Variants in MEF2C observed in about 807,000 individuals in gnomAD.
MEF2C encodes the protein myocyte-specific enhancer factor 2C.
In MEF2C, 6 loss-of-function variants were observed where a neutral mutation model predicts 50.5. The observed-to-expected ratio is 0.12, with a 90% CI of 0.07 to 0.23. The LOEUF (loss-of-function observed/expected upper bound fraction) is 0.23. Ranked by LOEUF, MEF2C falls within the 10% of genes least tolerant of loss-of-function variation. The pLI is 1.00. For synonymous variants in MEF2C, 183 were observed against 228.0 expected, an observed-to-expected ratio of 0.80 and a Z score of 1.78; for missense variants, 276 against 605.0, an observed-to-expected ratio of 0.46 and a Z score of 5.70.
chr5:88,804,410 C>T, intron 3 of MEF2C, 188 bp downstream of exon 3: 1 of 573,188 alleles, frequency 1.7e-6, no homozygotes, highest in Non-Finnish European at 3.1e-6. Context: ...ATCATCACAT[C>T]ACTCTAACTT....
chr5:88,726,382 C>CTT (rs1561664072), intron 10 of MEF2C, among the ~76,000 whole-genome samples: 1 of 152,110 alleles, frequency 6.6e-6, no homozygotes, highest in Non-Finnish European at 1.5e-5. Context: ...AATTACTTTA[C>CTT]ATAAGTATTG....
At chr5:88,822,944 G>A (rs1200988777) in intron 2 of MEF2C, among the ~76,000 whole-genome samples, 2 of 151,888 alleles carry the variant, frequency 1.3e-5, no homozygotes, top group East Asian at 3.9e-4. Context: ...AAACTACCCA[G>A]CTGTCCTTAC....
chr5:88,742,375 T>G (rs1003349641), intron 6 of MEF2C: 1 of 984,844 alleles, frequency 1.0e-6, no homozygotes, highest in Non-Finnish European at 1.2e-6. Context: ...AAACTAGTAT[T>G]TCAGGGGGAA....
chr5:88,865,984 C>T lies in MEF2C; in HGVS notation c.-143+16971G>A, dbSNP rs1198862864. Among the ~76,000 whole-genome samples the T allele has an allele frequency of 5.9e-5, 9 of 152,058 alleles. No individual in the cohort carries two copies. In the South Asian group the frequency reaches 6.2e-4, roughly 11 times the overall value. On this transcript the variant is annotated intron_variant, in intron 1 of 10. Transcript: ENST00000504921. ...TATCTCGGCTCACTGCAAGCTCCGC[C>T]TCCTGGGTTCACGCCATTCTCCTGC...
intron 1 of MEF2C, chr5:88,878,029 A>G (rs888139461): frequency 3.3e-5 from 5 of 152,074 alleles, no homozygotes; most frequent in African/African-American, 1.2e-4. Context: ...TCCTTGAACG[A>G]AAGGAACACA....
At chr5:88,867,915 T>G (rs893824081) in intron 1 of MEF2C, among the ~76,000 whole-genome samples, 1 of 152,218 alleles carries the variant, frequency 6.6e-6, no homozygotes, top group African/African-American at 2.4e-5. Flanking sequence ...AACCTATCAT[T>G]ACGCGTGCAG....
intron 1 of MEF2C, among the ~76,000 whole-genome samples, chr5:88,845,497 C>T (rs1164496788): frequency 6.6e-6 from 1 of 152,086 alleles, no homozygotes; most frequent in Non-Finnish European, 1.5e-5. Context: ...TCTGAGATTA[C>T]AACAGCAGTA....
rs528116007 is a variant in MEF2C, at chr5:88,786,928, T to C, written c.258+17670A>G. ...AGCCCACTGTACTTTGTCTATATCT[T>C]ATTATGGTTCAGATAATTGGGTATC... is the stretch of plus-strand genomic sequence containing the variant. On this transcript the variant is annotated intron_variant, in intron 3 of 10. Transcript: ENST00000504921. Among the ~76,000 whole-genome samples, 5 of 152,340 alleles carry C rather than the reference T, an allele frequency of 3.3e-5. No individual in the cohort carries two copies. The South Asian group carries it at 1.0e-3, about 32-fold the overall frequency.
chr5:88,769,723 C>A (rs1781562865), intron 3 of MEF2C, among the ~76,000 whole-genome samples: 1 of 152,226 alleles, frequency 6.6e-6, no homozygotes, highest in Non-Finnish European at 1.5e-5. Context: ...CAGCTCACTG[C>A]AACCTCTGCC....
Position 88,823,950 on chromosome 5 carries a change from T to TA in MEF2C, c.-142-21dup. On this transcript the variant is annotated intron_variant, in intron 1 of 10. Transcript: ENST00000504921. ...TTCCTGCTGAACAAAAAAGAAAAAT[T>TA]AAATACCACTCTAACAGCAAGTCAG... The TA allele has an allele frequency of 1.4e-6, 2 of 1,442,076 alleles. No individual in the cohort carries two copies. The highest frequency in any genetic ancestry group is 1.8e-6 in the Non-Finnish European group (2 of 1,098,910). The allele number at this position is 1,442,076 out of a possible 1,614,324, so 89.3% of individuals were successfully genotyped here.
At chr5:88,898,651 C>A (rs1411998131) in intron 1 of MEF2C, among the ~76,000 whole-genome samples, 1 of 152,172 alleles carries the variant, frequency 6.6e-6, no homozygotes, top group Non-Finnish European at 1.5e-5. Context: ...ACCTTGTCAA[C>A]AGAGTGATCC....
At chr5:88,860,981 CCT>C (rs1180624086) in intron 1 of MEF2C, among the ~76,000 whole-genome samples, 1 of 152,140 alleles carries the variant, frequency 6.6e-6, no homozygotes, top group African/African-American at 2.4e-5. Flanking sequence ...CATCACTTCC[CCT>C]GTTACTTCAT....
chr5:88,883,934 T>C (rs1485928884), upstream of MEF2C, among the ~76,000 whole-genome samples: 1 of 152,252 alleles, frequency 6.6e-6, no homozygotes, highest in African/African-American at 2.4e-5. Flanking sequence ...CACTTTTAAA[T>C]GATAATTGCA....
intron 3 of MEF2C, among the ~76,000 whole-genome samples, chr5:88,799,115 G>A (rs778788254): frequency 2.6e-5 from 4 of 151,796 alleles, no homozygotes; most frequent in African/African-American, 7.3e-5. Context: ...CAGGAGGCAC[G>A]GGGGGTCAGG....
At chr5:88,731,285 G>A (rs1298258838) in intron 7 of MEF2C, among the ~76,000 whole-genome samples, 7 of 152,072 alleles carry the variant, frequency 4.6e-5, no homozygotes, top group Non-Finnish European at 4.4e-5. Context: ...TAATTAACAG[G>A]AGAAAGTTCA....
At chr5:88,885,868 T>G (rs1293666605), upstream of MEF2C, among the ~76,000 whole-genome samples, 1 of 152,198 alleles carries the variant, frequency 6.6e-6, no homozygotes, top group Non-Finnish European at 1.5e-5. Context: ...TAGAGGGTAT[T>G]TCTGTTTACC....
intron 1 of MEF2C, among the ~76,000 whole-genome samples, chr5:88,902,822 TA>T (rs1835803804): frequency 6.6e-6 from 1 of 151,478 alleles, no homozygotes; most frequent in Non-Finnish European, 1.5e-5. Flanking sequence ...TTATCCATAA[TA>T]ATTTATAGCA....
intron 1 of MEF2C, among the ~76,000 whole-genome samples, chr5:88,835,298 C>T (rs1359325525): frequency 1.3e-5 from 2 of 152,156 alleles, no homozygotes; most frequent in Non-Finnish European, 2.9e-5. Flanking sequence ...TATTTCATCT[C>T]TCAAAGGACC....
rs183434383 is a variant in MEF2C at position 88,802,265 on chromosome 5, C to T, written c.258+2333G>A. Among the ~76,000 whole-genome samples the T allele has an allele frequency of 2.7e-3, 417 of 152,336 alleles. 3 individuals carry two copies. The highest frequency in any genetic ancestry group is 3.8e-3 in the Admixed American group (58 of 15,308). ...TGCCTTCATTTTTGAGATGAGAAAA[C>T]GTCAGCCCAGAGAGGTACCCAACTC... On this transcript the variant is annotated intron_variant, in intron 3 of 10. Transcript: ENST00000504921.
Sources: gnomAD v4.1 joint callset for allele counts (sites outside exome capture counted in the v4.1 genomes callset) on GRCh38, gnomAD v4.1.1 for gene constraint, MANE v1.5 for transcripts, NCBI Gene and HGNC (gene_info 2026-07-23, HGNC 2026-07-21) for gene names.